DIAPH2: variants seen among roughly 807,000 people sequenced by gnomAD.
The protein encoded by DIAPH2 is protein diaphanous homolog 2.
Under a neutral mutation model 92.7 loss-of-function variants are expected in DIAPH2, and 35 were observed. The observed-to-expected ratio is 0.38, with a 90% CI of 0.29 to 0.50. The LOEUF (loss-of-function observed/expected upper bound fraction) is 0.50. Among genes scored for constraint, DIAPH2 ranks in the 20% least tolerant of loss-of-function variants. DIAPH2 has a pLI of 0.94. For synonymous variants in DIAPH2, 301 were observed against 280.4 expected (o/e 1.07, Z -0.73); for missense variants, 701 against 819.5 (o/e 0.86, Z 1.77).
intron 25 of DIAPH2, among the ~76,000 whole-genome samples, chrX:97,384,638 G>A (rs1001692999): frequency 4.5e-5 from 5 of 110,963 alleles, no homozygotes; most frequent in Non-Finnish European, 7.5e-5. Flanking sequence ...AGACCGAGGC[G>A]GGAGGGTCGC....
intron 26 of DIAPH2, among the ~76,000 whole-genome samples, chrX:97,564,085 A>G (rs1311771001): frequency 8.9e-6 from 1 of 112,081 alleles, no homozygotes; most frequent in Non-Finnish European, 1.9e-5. Flanking sequence ...CTGTTATGAA[A>G]GACCAAAACA....
intron 16 of DIAPH2, among the ~76,000 whole-genome samples, chrX:96,962,261 C>CTA (rs746906293): frequency 3.2e-4 from 25 of 78,417 alleles, no homozygotes; most frequent in Admixed American, 1.1e-3. Flanking sequence ...TGATGCCTTT[C>CTA]TATATATATA....
chrX:96,922,692 G>A (rs903111045), intron 9 of DIAPH2, among the ~76,000 whole-genome samples: 1 of 111,586 alleles, frequency 9.0e-6, no homozygotes, highest in African/African-American at 3.3e-5. Flanking sequence ...TCTCCCAAAT[G>A]TACCATATGT....
intron 22 of DIAPH2, among the ~76,000 whole-genome samples, chrX:97,147,295 T>C (rs1014983169): frequency 1.0e-5 from 1 of 98,713 alleles, no homozygotes; most frequent in Non-Finnish European, 2.1e-5. Flanking sequence ...TACAGAGACT[T>C]TGATGCCTTT....
chrX:96,810,999 T>C (rs1474227305), intron 4 of DIAPH2, among the ~76,000 whole-genome samples: 1 of 112,054 alleles, frequency 8.9e-6, no homozygotes, highest in African/African-American at 3.2e-5. Flanking sequence ...CTTGACAATG[T>C]GGGCTCTTTT....
intron 17 of DIAPH2, among the ~76,000 whole-genome samples, chrX:97,009,906 G>A (rs1267062393): frequency 9.0e-6 from 1 of 111,402 alleles, no homozygotes; most frequent in Non-Finnish European, 1.9e-5. Flanking sequence ...GTGGTGGTGG[G>A]GGGCTGACAC....
At chrX:96,965,421 C>T (rs1223980589) in intron 17 of DIAPH2, among the ~76,000 whole-genome samples, 1 of 111,325 alleles carries the variant, frequency 9.0e-6, no homozygotes, top group African/African-American at 3.3e-5. Flanking sequence ...TGTTATTATT[C>T]TTCTGAAAAT....
intron 25 of DIAPH2, among the ~76,000 whole-genome samples, chrX:97,408,878 T>C (rs1382851326): frequency 8.9e-6 from 1 of 112,187 alleles, no homozygotes; most frequent in African/African-American, 3.2e-5. Context: ...ACAAGTAGCC[T>C]AACGGGGAGT....
chrX:96,837,059 C>G (rs1206821480), intron 4 of DIAPH2, among the ~76,000 whole-genome samples: 2 of 110,290 alleles, frequency 1.8e-5, no homozygotes, highest in East Asian at 5.7e-4. Context: ...TAGAGACATT[C>G]TAGCCAAAAT....
intron 5 of DIAPH2, 50 bp downstream of exon 5, chrX:96,881,768 A>G (rs999228891): frequency 5.3e-6 from 6 of 1,128,631 alleles, no homozygotes; most frequent in Non-Finnish European, 5.9e-6. Flanking sequence ...TGTAGTGCAT[A>G]TAATTGTTTG....
At chrX:97,219,758 C>T (rs998070444) in intron 22 of DIAPH2, among the ~76,000 whole-genome samples, 2 of 111,796 alleles carry the variant, frequency 1.8e-5, no homozygotes, top group African/African-American at 3.2e-5. Context: ...TATGCTTACC[C>T]ATAGTTGTAG....
At chrX:97,122,465 A>T (rs992840098) in intron 21 of DIAPH2, among the ~76,000 whole-genome samples, 3 of 111,635 alleles carry the variant, frequency 2.7e-5, no homozygotes, top group Non-Finnish European at 3.8e-5. Flanking sequence ...CAGAGAGATG[A>T]TCTTTACCCA....
chrX:97,179,235 C>CT (rs370073041), intron 22 of DIAPH2, among the ~76,000 whole-genome samples: 2,186 of 88,080 alleles, frequency 0.025, 25 homozygotes, highest in Non-Finnish European at 0.035. Flanking sequence ...CTGAGTGTGC[C>CT]TTTTTTTTTT....
intron 4 of DIAPH2, among the ~76,000 whole-genome samples, chrX:96,859,014 G>A (rs1188566016): frequency 9.0e-6 from 1 of 111,655 alleles, no homozygotes; most frequent in African/African-American, 3.3e-5. Flanking sequence ...TCCAATTGAA[G>A]GTTTGAATTT....
At chrX:97,185,486 T>TACATAC (rs2067593078) in intron 22 of DIAPH2, among the ~76,000 whole-genome samples, 1 of 14,742 alleles carries the variant, frequency 6.8e-5, no homozygotes, top group African/African-American at 2.0e-4. Flanking sequence ...TATATATATA[T>TACATAC]ATATATATAT....
intron 4 of DIAPH2, among the ~76,000 whole-genome samples, chrX:96,871,998 C>T (rs2065146425): frequency 8.9e-6 from 1 of 112,137 alleles, no homozygotes; most frequent in East Asian, 2.8e-4. Flanking sequence ...CAAAAAGTTA[C>T]ATATAGTATG....
chrX:97,057,292 T>C (rs1473542408), intron 17 of DIAPH2, among the ~76,000 whole-genome samples: 3 of 112,019 alleles, frequency 2.7e-5, no homozygotes, highest in Non-Finnish European at 3.8e-5. Flanking sequence ...TTTCACTTCA[T>C]AGGGTAACAC....
chrX:97,281,724 A>G (rs972085561), intron 23 of DIAPH2, among the ~76,000 whole-genome samples: 21 of 108,752 alleles, frequency 1.9e-4, no homozygotes, highest in African/African-American at 7.1e-4. Context: ...AGCCTGGGCA[A>G]CAAAGTGAGA....
chrX:96,762,230 G>A (rs954719160), intron 4 of DIAPH2, among the ~76,000 whole-genome samples: 1 of 111,295 alleles, frequency 9.0e-6, no homozygotes, highest in Admixed American at 9.6e-5. Context: ...ATAAAATTAT[G>A]TTTAGGACTA....
Sources: gnomAD v4.1 joint callset for allele counts (sites outside exome capture counted in the v4.1 genomes callset) on GRCh38, gnomAD v4.1.1 for gene constraint, MANE v1.5 for transcripts, NCBI Gene and HGNC (gene_info 2026-07-23, HGNC 2026-07-21) for gene names.